ADAM9: variants seen among roughly 807,000 people sequenced by gnomAD.
ADAM9 encodes the protein ADAM metallopeptidase domain 9.
ADAM9 carries 54 observed loss-of-function variants against 108.1 expected under a neutral mutation model. The observed-to-expected ratio is 0.50, with a 90% CI of 0.40 to 0.63. ADAM9 has a LOEUF of 0.63. Among genes scored for constraint, ADAM9 ranks in the 20% least tolerant of loss-of-function variants. The pLI is 0.00. For missense variants in ADAM9, 830 were observed against 997.7 expected, an observed-to-expected ratio of 0.83 and a Z score of 2.26; for synonymous variants, 316 against 336.0, an observed-to-expected ratio of 0.94 and a Z score of 0.65.
intron 19 of ADAM9, 111 bp downstream of exon 19, chr8:39,090,299 A>C: frequency 1.1e-6 from 1 of 918,976 alleles, no homozygotes; most frequent in Non-Finnish European, 1.6e-6. Flanking sequence ...CAGCCTTCCA[A>C]GTAGTTGGGA....
intron 11 of ADAM9, among the ~76,000 whole-genome samples, chr8:39,033,128 T>G (rs569014749): frequency 4.4e-4 from 67 of 152,316 alleles, no homozygotes; most frequent in Non-Finnish European, 6.0e-4. Flanking sequence ...CCCATAGAGA[T>G]CTTATACATA....
intron 19 of ADAM9, 74 bp downstream of exon 19, chr8:39,090,262 C>A (rs759688735): frequency 1.5e-6 from 2 of 1,349,580 alleles, no homozygotes; most frequent in Non-Finnish European, 2.1e-6. Context: ...TCTCGACTTC[C>A]CTGGGCTCAG....
chr8:38,997,078 G>A lies in ADAM9; in HGVS notation c.15G>A (p.Ala5=), dbSNP rs775495452. The A allele has an allele frequency of 2.5e-6, 4 of 1,607,766 alleles. No homozygotes were observed. The Admixed American group carries it at 6.7e-5, about 27-fold the overall frequency. MGSG[A]RFPSGTLRVR... is the part of the protein sequence containing the mutation. ...AATCGGCCGAGATGGGGTCTGGCGC[G>A]CGCTTTCCCTCGGGGACCCTTCGTG... The change falls in exon 1 of 22, where the codon GCG becomes GCA. Residue 5 remains alanine (A), a synonymous_variant. Transcript: ENST00000487273.
At position 39,021,697 on chromosome 8, in the gene ADAM9, G is replaced by A. The variant is rs1446802951; in HGVS notation, c.727G>A (p.Ala243Thr). Residue 243 changes from alanine to threonine, a missense_variant, in exon 8 of 22, where the codon GCA becomes ACA. Transcript: ENST00000487273. ...TAVREEMILL[A>T]NYLDSMYIML... The stretch of plus-strand genomic sequence containing the variant: ...TGTGAGAGAAGAGATGATTCTCCTG[G>A]CAAACTACTTGGATAGTGTAAGTTG... The A allele has an allele frequency of 6.2e-7, 1 of 1,613,432 alleles. No individual in the cohort carries two copies. The highest frequency in any genetic ancestry group is 1.7e-5 in the Admixed American group (1 of 59,984).
intron 14 of ADAM9, among the ~76,000 whole-genome samples, chr8:39,066,920 A>AT (rs1374549345): frequency 6.6e-6 from 1 of 152,188 alleles, no homozygotes; most frequent in Admixed American, 6.5e-5. Context: ...TCTTGAATTA[A>AT]TTTTTGTATA....
intron 7 of ADAM9, among the ~76,000 whole-genome samples, 163 bp from the exon 8 acceptor site, chr8:39,021,480 C>T (rs1166256835): frequency 2.6e-5 from 4 of 152,132 alleles, no homozygotes; most frequent in Admixed American, 6.5e-5. Context: ...GAGAAGGTTT[C>T]GCCATGTTGG....
chr8:39,033,469 A>ATTTTTTTTTTAGCATTGACAGTGTG (rs1564276285), intron 11 of ADAM9, among the ~76,000 whole-genome samples: 3 of 144,680 alleles, frequency 2.1e-5, no homozygotes, highest in African/African-American at 7.6e-5. Flanking sequence ...CCTTCCTCAC[A>ATTTTTTTTTTAGCATTGACAGTGTG]TTTTTTTTTT....
intron 3 of ADAM9, among the ~76,000 whole-genome samples, chr8:39,013,087 C>T (rs1436422467): frequency 2.0e-5 from 3 of 152,284 alleles, no homozygotes; most frequent in Non-Finnish European, 4.4e-5. Flanking sequence ...CATACAGCTG[C>T]TCCAGTCCTG....
At chr8:39,087,019 CA>C (rs1839200219) in intron 18 of ADAM9, among the ~76,000 whole-genome samples, 1 of 152,216 alleles carries the variant, frequency 6.6e-6, no homozygotes, top group Admixed American at 6.5e-5. Context: ...GGTCTCCTTA[CA>C]TGCATATATC....
intron 20 of ADAM9, among the ~76,000 whole-genome samples, chr8:39,100,745 C>T (rs572688658): frequency 6.6e-6 from 1 of 152,336 alleles, no homozygotes; most frequent in South Asian, 2.1e-4. Flanking sequence ...TTCACCACCA[C>T]TGTGCATTCT....
chr8:39,011,674 A>T lies in ADAM9; in HGVS notation c.212A>T (p.Gln71Leu), dbSNP rs1195167109. 1.2e-6 allele frequency: 2 copies of T among 1,611,534 alleles called. No individual in the cohort carries two copies. Among genetic ancestry groups the T allele is most frequent in the African/African-American group, 2.7e-5 (2 of 74,884 alleles). The change falls in exon 3 of 22, where the codon CAG becomes CTG. Residue 71 changes from glutamine to leucine, a missense_variant. Coordinates refer to ENST00000487273, the MANE Select transcript of ADAM9 (RefSeq NM_003816.3). Reference sequence around the variant, plus strand: ...TGCATTTAGGTATCTTATGTTATTCAGGCTGAAGGAAAAGAGCATATTATT... The same window carrying T: ...TGCATTTAGGTATCTTATGTTATTCTGGCTGAAGGAAAAGAGCATATTATT... ...PYSKQVSYVI[Q>L]AEGKEHIIHL...
chr8:39,040,872 G>A (rs867253188), intron 11 of ADAM9, among the ~76,000 whole-genome samples: 1 of 152,152 alleles, frequency 6.6e-6, no homozygotes, highest in Non-Finnish European at 1.5e-5. Flanking sequence ...TCAATAAATG[G>A]TTCTGGGGTA....
intron 14 of ADAM9, among the ~76,000 whole-genome samples, chr8:39,061,701 C>T (rs747617803): frequency 3.3e-5 from 5 of 151,792 alleles, no homozygotes; most frequent in African/African-American, 9.7e-5. Flanking sequence ...CATCACATGA[C>T]GGAAGGTGGA....
chr8:39,081,224 C>T (rs921947357), intron 16 of ADAM9, among the ~76,000 whole-genome samples: 3 of 151,962 alleles, frequency 2.0e-5, no homozygotes, highest in Non-Finnish European at 4.4e-5. Flanking sequence ...GCTGGGATTA[C>T]AGGCGTGAGC....
intron 12 of ADAM9, among the ~76,000 whole-genome samples, chr8:39,052,728 A>G (rs553167889): frequency 7.8e-4 from 119 of 152,262 alleles, no homozygotes; most frequent in African/African-American, 2.9e-3. Context: ...TATATACATT[A>G]TCTATTTCCT....
chr8:39,083,145 C>A, intron 18 of ADAM9, 72 bp downstream of exon 18: 2 of 1,062,348 alleles, frequency 1.9e-6, no homozygotes, highest in Non-Finnish European at 2.9e-6. Context: ...CCTCGTACCT[C>A]TCCCTCACTT....
At chr8:39,090,004 AGTATGAGTTTG>A (rs1315381460) in intron 18 of ADAM9, 32 bp from the exon 19 acceptor site, 1 of 1,597,016 alleles carries the variant, frequency 6.3e-7, no homozygotes, top group Non-Finnish European at 8.6e-7. Flanking sequence ...TTTTCTGCCT[AGTATGAGTTTG>A]GTGACTGTTG....
intron 19 of ADAM9, among the ~76,000 whole-genome samples, chr8:39,090,701 T>C (rs1839324854): frequency 6.6e-6 from 1 of 152,212 alleles, no homozygotes; most frequent in South Asian, 2.1e-4. Context: ...CACCAATTTC[T>C]GATAGAGGAC....
At chr8:39,027,608 G>A (rs965440552) in intron 11 of ADAM9, among the ~76,000 whole-genome samples, 1 of 152,108 alleles carries the variant, frequency 6.6e-6, no homozygotes, top group African/African-American at 2.4e-5. Context: ...TATAATAGAA[G>A]ATCCCATGGT....
Sources: gnomAD v4.1 joint callset for allele counts (sites outside exome capture counted in the v4.1 genomes callset) on GRCh38, gnomAD v4.1.1 for gene constraint, MANE v1.5 for transcripts, NCBI Gene and HGNC (gene_info 2026-07-23, HGNC 2026-07-21) for gene names.